HEATR5A: variants seen among roughly 807,000 people sequenced by gnomAD.
The protein encoded by HEATR5A is HEAT repeat containing 5A.
HEATR5A carries 178 observed loss-of-function variants against 218.8 expected under a neutral mutation model. The observed-to-expected ratio is 0.81, with a 90% CI of 0.72 to 0.92. The LOEUF (loss-of-function observed/expected upper bound fraction) is 0.92. Among genes scored for constraint, HEATR5A ranks in the 40% least tolerant of loss-of-function variants. The pLI, the probability that HEATR5A is intolerant of heterozygous loss-of-function variation, is 0.00. For synonymous variants in HEATR5A, 864 were observed against 871.6 expected (o/e 0.99, Z 0.15); for missense variants, 2,420 against 2,418.9 (o/e 1.00, Z -0.01).
At chr14:31,386,707 T>C (rs2030238530) in intron 8 of HEATR5A, 132 bp from the exon 9 acceptor site, 1 of 721,548 alleles carries the variant, frequency 1.4e-6, no homozygotes, top group African/African-American at 1.8e-5. Context: ...CTTGAGGCAA[T>C]AACTAAAATG....
At chr14:31,393,415 G>A (rs746643717) in intron 6 of HEATR5A, among the ~76,000 whole-genome samples, 10 of 152,146 alleles carry the variant, frequency 6.6e-5, no homozygotes, top group Non-Finnish European at 1.5e-4. Flanking sequence ...GGAGGCTGAG[G>A]TGGGAGGATC....
Position 31,295,908 on chromosome 14 carries a change from C to T in HEATR5A, c.5619+1G>A. On this transcript the variant is annotated splice_donor_variant, in intron 34 of 35. Transcript: ENST00000543095. LOFTEE classifies it high-confidence loss of function. ...ACATCTTTCTGCTAAAAGACACTTA[C>T]CACAGGATCTTTTATCTCAAGAGTA... 6.2e-7 allele frequency: 1 copy of T among 1,612,708 alleles called. No individual in the cohort carries two copies. Among genetic ancestry groups the T allele is most frequent in the South Asian group, 1.1e-5 (1 of 90,950 alleles).
At chr14:31,409,051 T>C in intron 1 of HEATR5A, among the ~76,000 whole-genome samples, 1 of 1,872 alleles carries the variant, frequency 5.3e-4, no homozygotes, top group Non-Finnish European at 0.017. Flanking sequence ...CGAGACTCCG[T>C]CTCAAAAAAA....
At chr14:31,365,770 T>C (rs1482804539) in intron 13 of HEATR5A, among the ~76,000 whole-genome samples, 1 of 151,950 alleles carries the variant, frequency 6.6e-6, no homozygotes, top group Non-Finnish European at 1.5e-5. Flanking sequence ...GCTCAAGTGA[T>C]CCTCTCACCT....
intron 21 of HEATR5A, among the ~76,000 whole-genome samples, chr14:31,338,132 C>A (rs1384706818): frequency 6.6e-6 from 1 of 152,198 alleles, no homozygotes; most frequent in Non-Finnish European, 1.5e-5. Context: ...AATTATTTAA[C>A]TCCTCTAGAG....
Position 31,293,862 on chromosome 14 carries a change from C to A in HEATR5A, c.5833+29G>T, listed in dbSNP as rs529572955. 7 of 1,531,486 alleles carry A rather than the reference C, an allele frequency of 4.6e-6. No homozygotes were observed. The East Asian group carries it at 1.4e-4, about 30-fold the overall frequency. The allele number at this position is 1,531,486 out of a possible 1,614,324, so 94.9% of individuals were successfully genotyped here. On this transcript the variant is annotated intron_variant, in intron 35 of 35. Coordinates refer to ENST00000543095, the MANE Select transcript of HEATR5A (RefSeq NM_015473.4). Reference sequence around the variant, plus strand: ...AGTAAAATTCTGATTTTTGTTGAGACTGAGTATGAATTTAGTGCTGACACT... The same window carrying A: ...AGTAAAATTCTGATTTTTGTTGAGAATGAGTATGAATTTAGTGCTGACACT...
intron 12 of HEATR5A, among the ~76,000 whole-genome samples, chr14:31,373,247 T>C: frequency 6.6e-6 from 1 of 151,832 alleles, no homozygotes; most frequent in East Asian, 1.9e-4. Flanking sequence ...TCTTTAACAG[T>C]AAAAATGCCA....
chr14:31,358,828 A>T lies in HEATR5A; in HGVS notation c.2236-16T>A, dbSNP rs748482788. 7 of 1,612,552 alleles carry T rather than the reference A, an allele frequency of 4.3e-6. No individual in the cohort carries two copies. Among genetic ancestry groups the T allele is most frequent in the Non-Finnish European group, 8.5e-7 (1 of 1,179,432 alleles). On this transcript the variant is annotated splice_polypyrimidine_tract_variant and intron_variant, in intron 15 of 35. Transcript: ENST00000543095. ...CAAGCAGGAGCTAAAAGGGAAAAAA[A>T]GTATATAAGGTTTTAAAATCACTGA...
chr14:31,387,637 G>A (rs984404749), intron 7 of HEATR5A, among the ~76,000 whole-genome samples: 5 of 150,662 alleles, frequency 3.3e-5, no homozygotes, highest in African/African-American at 1.2e-4. Flanking sequence ...TCAGCTCACT[G>A]CAAGCTCCGC....
rs753248035 is a variant in HEATR5A at position 31,302,537 on chromosome 14, T to C, written c.5240-18A>G. The stretch of plus-strand genomic sequence containing the variant: ...GATGCTTCCTGTAAGATACATTTTT[T>C]AAAAACACACTGGATTTCAACCTAT... On this transcript the variant is annotated intron_variant, in intron 32 of 35. Transcript: ENST00000543095. The C allele has an allele frequency of 2.8e-4, 411 of 1,480,820 alleles. No homozygotes were observed. The highest frequency in any genetic ancestry group is 2.6e-3 in the Middle Eastern group (14 of 5,362). 91.7% of individuals were successfully genotyped at this position (1,480,820 alleles called of 1,614,324 possible).
intron 22 of HEATR5A, 92 bp downstream of exon 22, chr14:31,337,384 C>T: frequency 9.6e-7 from 1 of 1,046,532 alleles, no homozygotes; most frequent in Admixed American, 2.5e-5. Flanking sequence ...GACATATTAA[C>T]TTTTAAACTG....
intron 8 of HEATR5A, among the ~76,000 whole-genome samples, 175 bp downstream of exon 8, chr14:31,386,941 TAGAC>T (rs1313835019): frequency 6.6e-6 from 1 of 152,222 alleles, no homozygotes; most frequent in Non-Finnish European, 1.5e-5. Flanking sequence ...GGAGCTGAGA[TAGAC>T]AGTTTCAAAA....
intron 11 of HEATR5A, among the ~76,000 whole-genome samples, chr14:31,377,463 A>T (rs1595153656): frequency 6.6e-6 from 1 of 152,250 alleles, no homozygotes; most frequent in South Asian, 2.1e-4. Flanking sequence ...CTATGATACT[A>T]ACGCACTCTA....
rs779526737 is a variant in HEATR5A, at chr14:31,305,132, T to A, written c.5012A>T (p.Glu1671Val). The change falls in exon 32 of 36, where the codon GAG (glutamate) becomes GTG (valine). Residue 1671 changes from glutamate (E) to valine (V), a missense_variant. Transcript: ENST00000543095. ...AEKETLPEFG[E>V]GKDTGGLVPG... ...CACAAGTCCTCCGGTGTCCTTTCCC[T>A]CTCCAAACTCTGGCAGAGTTTCCTT... 2 of 1,613,952 alleles carry A rather than the reference T, an allele frequency of 1.2e-6. No homozygotes were observed. Among genetic ancestry groups the A allele is most frequent in the Non-Finnish European group, 1.7e-6 (2 of 1,179,874 alleles).
At chr14:31,312,310 GAAAAT>G (rs1293002285) in intron 28 of HEATR5A, among the ~76,000 whole-genome samples, 8 of 151,294 alleles carry the variant, frequency 5.3e-5, no homozygotes, top group Non-Finnish European at 1.2e-4. Context: ...AAGGAAATAA[GAAAAT>G]AAAACAATGA....
intron 22 of HEATR5A, among the ~76,000 whole-genome samples, chr14:31,335,684 C>T: frequency 6.6e-6 from 1 of 152,094 alleles, no homozygotes; most frequent in East Asian, 1.9e-4. Flanking sequence ...CACAGATTCT[C>T]GCTCTGGTGC....
intron 13 of HEATR5A, among the ~76,000 whole-genome samples, chr14:31,365,021 C>T (rs1285807014): frequency 4.6e-5 from 7 of 151,660 alleles, no homozygotes; most frequent in African/African-American, 1.7e-4. Flanking sequence ...ACTACAGGTG[C>T]GCACCACCAT....
At chr14:31,339,200 C>T (rs530893319) in intron 21 of HEATR5A, among the ~76,000 whole-genome samples, 15 of 146,438 alleles carry the variant, frequency 1.0e-4, no homozygotes, top group Non-Finnish European at 6.0e-5. Context: ...CATGATGGCT[C>T]ACACCAAGGG....
intron 13 of HEATR5A, among the ~76,000 whole-genome samples, chr14:31,365,000 C>A (rs11844137): frequency 1.3e-5 from 2 of 152,130 alleles, no homozygotes; most frequent in Admixed American, 6.5e-5. Flanking sequence ...TTAGCCTCCC[C>A]AATAGCTGGG....
Sources: gnomAD v4.1 joint callset for allele counts (sites outside exome capture counted in the v4.1 genomes callset) on GRCh38, gnomAD v4.1.1 for gene constraint, MANE v1.5 for transcripts, NCBI Gene and HGNC (gene_info 2026-07-23, HGNC 2026-07-21) for gene names.